Variants in ARHGAP32 observed in about 807,000 individuals in gnomAD.
ARHGAP32 encodes rho GTPase-activating protein 32.
ARHGAP32 carries 51 observed loss-of-function variants against 186.5 expected under a neutral mutation model. The ratio of observed to expected loss-of-function variants is 0.27; its 90% CI spans 0.22 to 0.35. The LOEUF is 0.35. Among genes scored for constraint, ARHGAP32 ranks in the 10% least tolerant of loss-of-function variants. The pLI, the probability that ARHGAP32 is intolerant of heterozygous loss-of-function variation, is 1.00. For missense variants in ARHGAP32, 2,186 were observed against 2,623.5 expected (o/e 0.83, Z 3.64); for synonymous variants, 950 against 964.3 (o/e 0.99, Z 0.27).
At chr11:129,065,495 G>A (rs1359611685) in intron 7 of ARHGAP32, among the ~76,000 whole-genome samples, 1 of 152,050 alleles carries the variant, frequency 6.6e-6, no homozygotes, top group African/African-American at 2.4e-5. Context: ...AAAAACCTGG[G>A]ACCTCTTGGT....
In ARHGAP32 at chr11:128,969,489, C is replaced by T. The variant is rs575389771; in HGVS notation, c.5724G>A (p.Gly1908=). ...SHRQFCESKN[G]PPYPQGAGQL... ...GGCCAGCTCCCTGGGGATAAGGGGG[C>T]CCATTCTTTGACTCACAGAACTGCC... The change falls in exon 23 of 23, where the codon GGG becomes GGA. Residue 1908 remains glycine (G), a synonymous_variant. Transcript: ENST00000682385. The surrounding 1 kb of genome is among the most constrained non-coding windows in gnomAD (Gnocchi z 4.8). 1 of 1,614,140 alleles carries T rather than the reference C, an allele frequency of 6.2e-7. No individual in the cohort carries two copies. Among genetic ancestry groups the T allele is most frequent in the African/African-American group, 1.3e-5 (1 of 75,014 alleles).
chr11:128,982,891 T>TA (rs34630708), intron 15 of ARHGAP32, among the ~76,000 whole-genome samples: 1,204 of 66,416 alleles, frequency 0.018, 40 homozygotes, highest in Admixed American at 0.024. Context: ...ACCTTGTCTT[T>TA]AAAAAAAAAA....
intron 2 of ARHGAP32, among the ~76,000 whole-genome samples, chr11:129,163,149 T>C (rs1456245332): frequency 2.0e-5 from 3 of 152,210 alleles, no homozygotes; most frequent in African/African-American, 7.2e-5. Context: ...TATGTTCAAT[T>C]AAAATGTTTG....
chr11:129,004,949 T>C (rs2134779775), intron 11 of ARHGAP32, among the ~76,000 whole-genome samples: 1 of 152,248 alleles, frequency 6.6e-6, no homozygotes, highest in African/African-American at 2.4e-5. Flanking sequence ...CTTTTCCTTC[T>C]TTCCTTCCTT....
intron 2 of ARHGAP32, among the ~76,000 whole-genome samples, chr11:129,138,919 A>G (rs1343242769): frequency 1.3e-5 from 2 of 152,356 alleles, no homozygotes; most frequent in East Asian, 3.9e-4. Context: ...AGATTTGCAT[A>G]GTGTGTTAAT....
At chr11:129,144,360 T>A (rs1244531121) in intron 2 of ARHGAP32, among the ~76,000 whole-genome samples, 1 of 152,110 alleles carries the variant, frequency 6.6e-6, no homozygotes, top group Non-Finnish European at 1.5e-5. Context: ...GTGAATGCTG[T>A]TTAGTGGTTT....
intron 6 of ARHGAP32, among the ~76,000 whole-genome samples, chr11:129,091,294 G>A (rs1242719927): frequency 2.6e-5 from 4 of 152,018 alleles, no homozygotes; most frequent in Non-Finnish European, 5.9e-5. Context: ...GTCCCCAGTT[G>A]GCCTGGGTGC....
At chr11:129,011,292 A>T (rs1487204758) in intron 11 of ARHGAP32, among the ~76,000 whole-genome samples, 1 of 152,230 alleles carries the variant, frequency 6.6e-6, no homozygotes, top group Non-Finnish European at 1.5e-5. Flanking sequence ...TAATGTGCCC[A>T]CTGTCACATA....
chr11:129,159,965 A>G (rs1212666888), intron 2 of ARHGAP32, among the ~76,000 whole-genome samples: 1 of 152,166 alleles, frequency 6.6e-6, no homozygotes, highest in Non-Finnish European at 1.5e-5. Flanking sequence ...CAATAACAAA[A>G]CAGAACCAAT....
intron 1 of ARHGAP32, among the ~76,000 whole-genome samples, chr11:129,231,001 G>A (rs1379140734): frequency 6.6e-6 from 1 of 152,088 alleles, no homozygotes; most frequent in Admixed American, 6.5e-5. Flanking sequence ...CGGCCATGGT[G>A]GTGGGTGCCT....
Position 128,981,872 on chromosome 11 carries a change from G to A in ARHGAP32, c.1591C>T (p.His531Tyr), listed in dbSNP as rs774514120. 6.2e-7 allele frequency: 1 copy of A among 1,613,300 alleles called. No homozygotes were observed. Among genetic ancestry groups the A allele is most frequent in the Non-Finnish European group, 8.5e-7 (1 of 1,179,670 alleles). The change falls in exon 16 of 23, where the codon CAT becomes TAT. Residue 531 changes from histidine (H) to tyrosine (Y), a missense_variant. By Grantham distance (83) the His-to-Tyr change is moderately conservative (BLOSUM62 2). This residue lies in a region of ARHGAP32 where 308 missense variants were observed against 596.5 expected (regional missense o/e 0.52). Transcript: ENST00000682385. ...CAAACAATTGCTAGATTTTTTGCATGCATATTTGTGATGGAACAATAGTCA... is the reference window on the plus strand; with the variant it reads ...CAAACAATTGCTAGATTTTTTGCATACATATTTGTGATGGAACAATAGTCA... ...LADYCSITNMHAKNLAIVWAP... is the reference protein window; with the variant it reads ...LADYCSITNMYAKNLAIVWAP...
chr11:129,019,632 A>T (rs1938508869), intron 11 of ARHGAP32, among the ~76,000 whole-genome samples: 1 of 152,114 alleles, frequency 6.6e-6, no homozygotes, highest in Non-Finnish European at 1.5e-5. Context: ...TATTATTCAT[A>T]TTTCAATTCA....
At position 129,124,390 on chromosome 11, in the gene ARHGAP32, C is replaced by T. The variant is rs1362895503; in HGVS notation, c.317+413G>A. Reference sequence around the variant, plus strand: ...ATTTCATAGCTTCAGATTAGAGATGCTCAACCTGTATTTCACTTAACAGTC... The same window carrying T: ...ATTTCATAGCTTCAGATTAGAGATGTTCAACCTGTATTTCACTTAACAGTC... On this transcript the variant is annotated intron_variant, in intron 3 of 22. Transcript: ENST00000682385. 3.9e-5 allele frequency among the ~76,000 whole-genome samples: 6 copies of T among 152,218 alleles called. No individual in the cohort carries two copies. In the South Asian group the frequency reaches 8.3e-4, roughly 21 times the overall value.
intron 2 of ARHGAP32, among the ~76,000 whole-genome samples, chr11:129,147,962 G>C (rs533337058): frequency 6.6e-6 from 1 of 152,254 alleles, no homozygotes; most frequent in Non-Finnish European, 1.5e-5. Flanking sequence ...AATAAGGAAA[G>C]CATCATGATA....
chr11:128,968,896 G>A lies in ARHGAP32; in HGVS notation c.*11C>T. The A allele has an allele frequency of 1.4e-6, 2 of 1,472,524 alleles. No individual in the cohort carries two copies. The highest frequency in any genetic ancestry group is 9.0e-7 in the Non-Finnish European group (1 of 1,106,838). The allele number at this position is 1,472,524 out of a possible 1,614,324, so 91.2% of individuals were successfully genotyped here. ...CAGCAGAGGCTGCTTCAACTCTATT[G>A]CTCGCAGGGCTCATTCTGCATGGAT... On this transcript the variant is annotated 3_prime_UTR_variant, in exon 23 of 23. Coordinates refer to ENST00000682385, the MANE Select transcript of ARHGAP32 (RefSeq NM_001378024.1).
chr11:129,040,285 T>G lies in ARHGAP32; in HGVS notation c.1045+643A>C, dbSNP rs1300154788. 3.3e-5 allele frequency among the ~76,000 whole-genome samples: 5 copies of G among 152,100 alleles called. No individual in the cohort carries two copies. The East Asian group carries it at 9.6e-4, about 29-fold the overall frequency. On this transcript the variant is annotated intron_variant, in intron 11 of 22. Transcript: ENST00000682385. The stretch of plus-strand genomic sequence containing the variant: ...TGTAATATAGCTAGGAAAAATAAGT[T>G]GGATGACTCCCTCTTCTCTCCAAAG...
intron 1 of ARHGAP32, among the ~76,000 whole-genome samples, chr11:129,224,689 A>G (rs970018341): frequency 2.7e-5 from 4 of 147,552 alleles, no homozygotes; most frequent in African/African-American, 7.5e-5. Flanking sequence ...AACTGTCATT[A>G]TATCAACCTA....
At chr11:129,062,120 G>C (rs1002227054) in intron 10 of ARHGAP32, among the ~76,000 whole-genome samples, 160 bp downstream of exon 10, 1 of 152,130 alleles carries the variant, frequency 6.6e-6, no homozygotes, top group Non-Finnish European at 1.5e-5. Context: ...AATTAGAAAA[G>C]GAAATCTAAA....
chr11:129,016,028 AT>A (rs1392129295), intron 11 of ARHGAP32, among the ~76,000 whole-genome samples: 1 of 152,196 alleles, frequency 6.6e-6, no homozygotes, highest in African/African-American at 2.4e-5. Context: ...AATTAGATGT[AT>A]TTTTCAGTCC....
Sources: gnomAD v4.1 joint callset for allele counts (sites outside exome capture counted in the v4.1 genomes callset) on GRCh38, gnomAD v4.1.1 for gene constraint, gnomAD v4.1.1 regional missense constraint, Gnocchi (gnomAD v3.1) non-coding constraint, MANE v1.5 for transcripts, NCBI Gene and HGNC (gene_info 2026-07-23, HGNC 2026-07-21) for gene names.